The following C1QTNF9 variants were observed in gnomAD, a reference collection of about 807,000 sequenced individuals.
C1QTNF9 encodes the protein C1q and TNF related 9, also known as complement C1q and tumor necrosis factor-related protein 9A.
In C1QTNF9, 6 loss-of-function variants were observed where a neutral mutation model predicts 10.1. That is an observed-to-expected ratio of 0.59 (90% CI 0.32 to 1.17). The LOEUF (loss-of-function observed/expected upper bound fraction) is 1.17. Ranked by LOEUF, C1QTNF9 falls within the 50% of genes most tolerant of loss-of-function variation. C1QTNF9 has a pLI of 0.04. For missense variants in C1QTNF9, 201 were observed against 418.8 expected (o/e 0.48, Z 4.54); for synonymous variants, 98 against 163.5 (o/e 0.60, Z 3.06).
upstream of C1QTNF9, among the ~76,000 whole-genome samples, chr13:24,307,680 G>A (rs1438217813): frequency 1.3e-5 from 2 of 152,232 alleles, no homozygotes; most frequent in African/African-American, 4.8e-5. Context: ...TGGGGAGGGG[G>A]CGAGCCCCAG....
intron 3 of C1QTNF9, among the ~76,000 whole-genome samples, chr13:24,320,430 G>A (rs1479352310): frequency 6.6e-6 from 1 of 152,092 alleles, no homozygotes; most frequent in Non-Finnish European, 1.5e-5. Flanking sequence ...TGTTGCCCAG[G>A]CTGCAGTGCA....
intron 1 of C1QTNF9, among the ~76,000 whole-genome samples, chr13:24,310,695 T>C (rs1197973490): frequency 6.6e-6 from 1 of 150,842 alleles, no homozygotes. Flanking sequence ...GGGTGGATCA[T>C]GAGGTCAGGA....
At chr13:24,312,463 G>C (rs183215223) in intron 1 of C1QTNF9, among the ~76,000 whole-genome samples, 104 of 152,276 alleles carry the variant, frequency 6.8e-4, no homozygotes, top group African/African-American at 2.3e-3. Flanking sequence ...GAAATTAAAA[G>C]TCAAGAGTGT....
exon 4 of C1QTNF9, chr13:24,321,739 A>G (rs1878283430): frequency 3.1e-6 from 5 of 1,593,378 alleles, no homozygotes; most frequent in South Asian, 1.1e-5. Context: ...CACAACTTTC[A>G]CAGGGTTCCT....
chr13:24,314,632 A>G (rs1340982668), intron 1 of C1QTNF9, among the ~76,000 whole-genome samples: 1 of 152,116 alleles, frequency 6.6e-6, no homozygotes, highest in African/African-American at 2.4e-5. Context: ...GAGATCGGCC[A>G]TTGCACTCCA....
rs1352038994 is a variant in C1QTNF9, at chr13:24,314,539, T to C, written c.-22-1443T>C. On this transcript the variant is annotated intron_variant, in intron 1 of 3. Transcript: ENST00000332018. ...CTCTACTAAAAATACAAAAATTAGC[T>C]AGGCGTGGTGGTGGCGCCTGTAGTC... Among the ~76,000 whole-genome samples the C allele has an allele frequency of 3.9e-5, 6 of 152,206 alleles. No individual in the cohort carries two copies. The South Asian group carries it at 1.2e-3, about 32-fold the overall frequency.
chr13:24,308,245 G>T (rs1387121634), upstream of C1QTNF9, among the ~76,000 whole-genome samples: 3 of 152,358 alleles, frequency 2.0e-5, no homozygotes, highest in African/African-American at 4.8e-5. Flanking sequence ...CGCGGGAAGC[G>T]GGGAAGGGCC....
intron 1 of C1QTNF9, among the ~76,000 whole-genome samples, chr13:24,313,164 G>A (rs576221243): frequency 9.2e-5 from 14 of 152,240 alleles, no homozygotes; most frequent in Non-Finnish European, 1.5e-4. Context: ...ACTTTGCTAC[G>A]TATTTGGGAG....
At chr13:24,310,740 C>G (rs975522224) in intron 1 of C1QTNF9, among the ~76,000 whole-genome samples, 2 of 151,218 alleles carry the variant, frequency 1.3e-5, no homozygotes, top group Middle Eastern at 3.4e-3. Flanking sequence ...GGTGAAACCC[C>G]GTCTCTACTA....
intron 1 of C1QTNF9, 142 bp from the exon 2 acceptor site, chr13:24,315,840 C>T (rs1279592953): frequency 3.5e-6 from 3 of 853,656 alleles, no homozygotes; most frequent in Non-Finnish European, 5.4e-6. Flanking sequence ...CTCCCCTGCC[C>T]TGAGCCTTCT....
At chr13:24,307,928 G>T (rs1877660186), upstream of C1QTNF9, among the ~76,000 whole-genome samples, 1 of 152,230 alleles carries the variant, frequency 6.6e-6, no homozygotes, top group South Asian at 2.1e-4. Context: ...CCTTTTCCCT[G>T]TAAGCAGGAG....
chr13:24,307,916 G>A (rs1877659597), upstream of C1QTNF9, among the ~76,000 whole-genome samples: 1 of 152,248 alleles, frequency 6.6e-6, no homozygotes, highest in Non-Finnish European at 1.5e-5. Flanking sequence ...GGAGGATGGA[G>A]CCCTTTTCCC....
intron 1 of C1QTNF9, among the ~76,000 whole-genome samples, chr13:24,309,982 C>T (rs552949352): frequency 1.3e-5 from 2 of 152,168 alleles, no homozygotes; most frequent in South Asian, 4.2e-4. Flanking sequence ...TGCAACCTCG[C>T]CTCCCGGGTT....
At chr13:24,312,634 A>T (rs1877871965) in intron 1 of C1QTNF9, among the ~76,000 whole-genome samples, 1 of 152,202 alleles carries the variant, frequency 6.6e-6, no homozygotes, top group South Asian at 2.1e-4. Flanking sequence ...AATAGGAGGT[A>T]TAAACTTGCT....
chr13:24,311,444 T>G (rs1050449561), intron 1 of C1QTNF9, among the ~76,000 whole-genome samples: 1 of 152,260 alleles, frequency 6.6e-6, no homozygotes, highest in Non-Finnish European at 1.5e-5. Flanking sequence ...CACAGCATTC[T>G]GCAGAATGAT....
chr13:24,314,006 T>TA lies in C1QTNF9; in HGVS notation c.-22-1975dup, dbSNP rs1194449782. Reference sequence around the variant, plus strand: ...CTTTCCCCTATTGTTACATAGTATGTAGTATGCACGTTTTCACCTGTTATA... The same window carrying TA: ...CTTTCCCCTATTGTTACATAGTATGTAAGTATGCACGTTTTCACCTGTTATA... On this transcript the variant is annotated intron_variant, in intron 1 of 3. Coordinates refer to ENST00000332018, the Ensembl canonical transcript of C1QTNF9. 5.1e-4 allele frequency among the ~76,000 whole-genome samples: 77 copies of TA among 152,326 alleles called. 1 individual carries two copies. Among genetic ancestry groups the TA allele is most frequent in the African/African-American group, 1.8e-3 (76 of 41,558 alleles).
upstream of C1QTNF9, among the ~76,000 whole-genome samples, chr13:24,309,283 T>TTATATATATATATATATA (rs72150411): frequency 9.3e-3 from 633 of 67,998 alleles, 59 homozygotes; most frequent in African/African-American, 0.018. Flanking sequence ...ACTTAAAGTA[T>TTATATATATATATATATA]TATATATATA....
At chr13:24,311,872 AC>A (rs1014754165) in intron 1 of C1QTNF9, among the ~76,000 whole-genome samples, 1 of 151,502 alleles carries the variant, frequency 6.6e-6, no homozygotes, top group African/African-American at 2.4e-5. Flanking sequence ...TGCCATGCAC[AC>A]CCCCCCACAG....
At chr13:24,316,580 G>A (rs1878047357) in intron 2 of C1QTNF9, among the ~76,000 whole-genome samples, 1 of 152,258 alleles carries the variant, frequency 6.6e-6, no homozygotes, top group Admixed American at 6.5e-5. Context: ...TTGGCAGCAA[G>A]CACCCAGCTG....
Sources: allele counts gnomAD v4.1 joint callset (sites outside exome capture counted in the v4.1 genomes callset), GRCh38; gene constraint gnomAD v4.1.1; transcripts MANE v1.5; gene names NCBI Gene and HGNC (gene_info 2026-07-23, HGNC 2026-07-21).